Variants in SPIDR observed in about 807,000 individuals in gnomAD.
SPIDR encodes scaffold protein involved in DNA repair, also known as DNA repair-scaffolding protein.
A neutral mutation model predicts 104.6 loss-of-function variants in SPIDR; 93 were observed. The ratio of observed to expected loss-of-function variants is 0.89; its 90% CI spans 0.75 to 1.06. The LOEUF (loss-of-function observed/expected upper bound fraction) is 1.06. SPIDR is among the 50% of genes least tolerant of loss of function. SPIDR has a pLI of 0.00. For synonymous variants in SPIDR, 431 were observed against 416.9 expected (o/e 1.03, Z -0.41); for missense variants, 1,154 against 1,111.2 (o/e 1.04, Z -0.55).
At chr8:47,467,060 T>TA (rs142024742) in intron 8 of SPIDR, among the ~76,000 whole-genome samples, 2,910 of 151,852 alleles carry the variant, frequency 0.019, 95 homozygotes, top group African/African-American at 0.067. Context: ...GAAATACAAA[T>TA]AACCATCAGA....
intron 5 of SPIDR, among the ~76,000 whole-genome samples, chr8:47,355,271 T>TAAAAAAAAAAAAAAAAAAAAAA (rs34902790): frequency 1.2e-4 from 14 of 116,548 alleles, no homozygotes; most frequent in African/African-American, 4.6e-4. Context: ...AGGTTTTTTG[T>TAAAAAAAAAAAAAAAAAAAAAA]AAAAAAAAAA....
At chr8:47,705,446 C>G (rs1043760278) in intron 14 of SPIDR, among the ~76,000 whole-genome samples, 3 of 152,204 alleles carry the variant, frequency 2.0e-5, no homozygotes, top group Non-Finnish European at 4.4e-5. Flanking sequence ...CTATAGTCTG[C>G]TTTTGTGTGT....
intron 4 of SPIDR, 152 bp from the exon 5 acceptor site, chr8:47,293,715 T>A: frequency 1.2e-6 from 1 of 839,844 alleles, no homozygotes; most frequent in East Asian, 2.9e-5. Context: ...CCCAAAGCGC[T>A]AGGATTACAG....
chr8:47,384,297 G>A (rs543107092), intron 5 of SPIDR, among the ~76,000 whole-genome samples: 1 of 152,106 alleles, frequency 6.6e-6, no homozygotes, highest in Non-Finnish European at 1.5e-5. Flanking sequence ...GTTTTTGTTA[G>A]CCTTTGAAAA....
At chr8:47,526,533 T>G (rs985020630) in intron 8 of SPIDR, among the ~76,000 whole-genome samples, 1 of 152,164 alleles carries the variant, frequency 6.6e-6, no homozygotes, top group Non-Finnish European at 1.5e-5. Context: ...GAACCCTGCT[T>G]CTTCTTGGCT....
chr8:47,512,067 G>A (rs1051866475), intron 8 of SPIDR: 2 of 634,776 alleles, frequency 3.2e-6, no homozygotes, highest in African/African-American at 3.6e-5. Context: ...CCGACTCGAG[G>A]AAGAAGCAGG....
chr8:47,685,045 C>G (rs929880782), intron 11 of SPIDR, among the ~76,000 whole-genome samples: 5 of 152,046 alleles, frequency 3.3e-5, no homozygotes, highest in African/African-American at 1.2e-4. Context: ...ATGGTGAAAC[C>G]CTGTCTCTAC....
intron 7 of SPIDR, among the ~76,000 whole-genome samples, chr8:47,424,473 T>TA (rs1199254582): frequency 5.3e-5 from 8 of 151,586 alleles, no homozygotes; most frequent in Admixed American, 4.6e-4. Context: ...CCCAGCTGTT[T>TA]AAAAAAAAAT....
At chr8:47,693,615 C>T (rs534997253) in intron 11 of SPIDR, among the ~76,000 whole-genome samples, 13 of 152,256 alleles carry the variant, frequency 8.5e-5, no homozygotes, top group South Asian at 4.1e-4. Context: ...CCACAGAGAA[C>T]AGACACATAG....
intron 14 of SPIDR, among the ~76,000 whole-genome samples, chr8:47,702,980 G>A (rs906162639): frequency 2.6e-5 from 4 of 152,226 alleles, no homozygotes; most frequent in Admixed American, 6.5e-5. Context: ...GTGCCCCAGT[G>A]CACCACGAGT....
At chr8:47,672,654 G>T (rs2075946185) in intron 10 of SPIDR, among the ~76,000 whole-genome samples, 1 of 151,994 alleles carries the variant, frequency 6.6e-6, no homozygotes, top group African/African-American at 2.4e-5. Flanking sequence ...ATATTTTGGG[G>T]ACCTTTTACC....
intron 8 of SPIDR, among the ~76,000 whole-genome samples, chr8:47,503,897 T>G (rs1278048355): frequency 6.6e-6 from 1 of 152,212 alleles, no homozygotes; most frequent in East Asian, 1.9e-4. Flanking sequence ...CTCATGAAGC[T>G]TAGTTTGGCT....
At chr8:47,290,956 T>G in intron 3 of SPIDR, 77 bp from the exon 4 acceptor site, 1 of 1,124,940 alleles carries the variant, frequency 8.9e-7, no homozygotes. Flanking sequence ...TTTGGCAAAA[T>G]TACATGCATA....
At position 47,396,393 on chromosome 8, in the gene SPIDR, T is replaced by G; in HGVS notation, c.543T>G (p.Ile181Met). ...SELPKPSSIE[I>M]LEYSSDSEKE... is the part of the protein sequence containing the mutation. ...TTTTTCAGCCAAGTTCTATAGAAAT[T>G]TTAGAGTATTCATCAGATAGTGAAA... The change falls in exon 6 of 20, where the codon ATT (isoleucine) becomes ATG (methionine). Residue 181 changes from isoleucine to methionine, a missense_variant. Physicochemically the swap from Ile to Met is conservative, Grantham distance 10 (BLOSUM62 1). Transcript: ENST00000297423. 1 of 1,606,826 alleles carries G rather than the reference T, an allele frequency of 6.2e-7. No homozygotes were observed.
chr8:47,265,440 C>T (rs7825367), intron 1 of SPIDR, among the ~76,000 whole-genome samples: 138 of 151,750 alleles, frequency 9.1e-4, no homozygotes, highest in Middle Eastern at 3.4e-3. Flanking sequence ...GTTCTTTCTC[C>T]TTGGCCTCCC....
At chr8:47,321,172 T>C (rs1198838350) in intron 5 of SPIDR, among the ~76,000 whole-genome samples, 2 of 152,270 alleles carry the variant, frequency 1.3e-5, no homozygotes, top group African/African-American at 2.4e-5. Flanking sequence ...TTGCAGATGA[T>C]ACGATTGTAT....
intron 8 of SPIDR, among the ~76,000 whole-genome samples, chr8:47,446,582 CTTT>C (rs574653139): frequency 3.7e-5 from 5 of 136,872 alleles, no homozygotes; most frequent in African/African-American, 5.4e-5. Flanking sequence ...ATAATGATTC[CTTT>C]TTTTTTTTTT....
intron 8 of SPIDR, among the ~76,000 whole-genome samples, chr8:47,536,932 A>G (rs1440097921): frequency 1.3e-5 from 2 of 152,234 alleles, no homozygotes; most frequent in African/African-American, 4.8e-5. Flanking sequence ...CTCATTAAGG[A>G]GATGTACAGA....
At chr8:47,379,621 T>G (rs1195823724) in intron 5 of SPIDR, among the ~76,000 whole-genome samples, 1 of 152,196 alleles carries the variant, frequency 6.6e-6, no homozygotes, top group African/African-American at 2.4e-5. Flanking sequence ...AGTGAAACAC[T>G]GGTTAAATTG....
Sources: gnomAD v4.1 joint callset for allele counts (sites outside exome capture counted in the v4.1 genomes callset) on GRCh38, gnomAD v4.1.1 for gene constraint, MANE v1.5 for transcripts, NCBI Gene and HGNC (gene_info 2026-07-23, HGNC 2026-07-21) for gene names.